PGM5: variants seen among roughly 807,000 people sequenced by gnomAD.
PGM5 encodes phosphoglucomutase 5, also known as phosphoglucomutase-like protein 5.
PGM5 carries 23 observed loss-of-function variants against 59.2 expected under a neutral mutation model. That is an observed-to-expected ratio of 0.39 (90% CI 0.28 to 0.55). PGM5 has a LOEUF of 0.55. Among genes scored for constraint, PGM5 ranks in the 20% least tolerant of loss-of-function variants. The pLI is 0.66. For missense variants in PGM5, 574 were observed against 748.3 expected, an observed-to-expected ratio of 0.77 and a Z score of 2.72; for synonymous variants, 214 against 286.0, an observed-to-expected ratio of 0.75 and a Z score of 2.54.
intron 10 of PGM5, among the ~76,000 whole-genome samples, chr9:68,528,175 A>C (rs1477245627): frequency 6.6e-6 from 1 of 152,194 alleles, no homozygotes; most frequent in Admixed American, 6.5e-5. Flanking sequence ...CATTATCCTA[A>C]TATTACCCAA....
chr9:68,510,977 G>T (rs782705977), intron 10 of PGM5, among the ~76,000 whole-genome samples: 1 of 152,232 alleles, frequency 6.6e-6, no homozygotes, highest in Non-Finnish European at 1.5e-5. Flanking sequence ...GATAAAGAAA[G>T]TTGTGGAAGC....
chr9:68,446,098 C>G (rs565463739), intron 6 of PGM5, among the ~76,000 whole-genome samples: 2 of 152,276 alleles, frequency 1.3e-5, no homozygotes, highest in South Asian at 4.1e-4. Context: ...AGAGATTGGT[C>G]ATTTGGCCCA....
At chr9:68,416,321 G>T (rs1190683878) in intron 6 of PGM5, among the ~76,000 whole-genome samples, 1 of 152,216 alleles carries the variant, frequency 6.6e-6, no homozygotes, top group East Asian at 1.9e-4. Context: ...AAATACGTCA[G>T]CTCCTTTAAC....
chr9:68,490,596 C>A (rs1824375519), intron 9 of PGM5, among the ~76,000 whole-genome samples: 1 of 152,236 alleles, frequency 6.6e-6, no homozygotes, highest in African/African-American at 2.4e-5. Context: ...CTCAGGTGAT[C>A]TGCTTGCCTC....
chr9:68,437,353 G>A lies in PGM5; in HGVS notation c.1044-27740G>A, dbSNP rs1823455985. ...GAGAAAAGGAAGCTTGGCAACTTTC[G>A]TGAAATGGTGTGCCTTAAAGAGGAA... On this transcript the variant is annotated intron_variant, in intron 6 of 10. Coordinates refer to ENST00000396396, the MANE Select transcript of PGM5 (RefSeq NM_021965.4). The surrounding 1 kb of genome is among the most constrained non-coding windows in gnomAD (Gnocchi z 4.1). 6.6e-6 allele frequency among the ~76,000 whole-genome samples: 1 copy of A among 152,184 alleles called. No homozygotes were observed. Among genetic ancestry groups the A allele is most frequent in the Non-Finnish European group, 1.5e-5 (1 of 68,032 alleles).
chr9:68,391,128 G>C (rs1554679400), intron 4 of PGM5, among the ~76,000 whole-genome samples: 1 of 151,902 alleles, frequency 6.6e-6, no homozygotes, highest in Non-Finnish European at 1.5e-5. Context: ...TATATACTTG[G>C]CAGAGTCCAA....
At chr9:68,501,415 A>G (rs559985060) in intron 10 of PGM5, among the ~76,000 whole-genome samples, 9 of 152,340 alleles carry the variant, frequency 5.9e-5, no homozygotes, top group Non-Finnish European at 8.8e-5. Flanking sequence ...CAGCAGGCCA[A>G]CCTGTCTTAA....
chr9:68,453,435 C>T (rs1342492894), intron 6 of PGM5, among the ~76,000 whole-genome samples: 1 of 152,098 alleles, frequency 6.6e-6, no homozygotes, highest in East Asian at 1.9e-4. Context: ...AACTCCTGGG[C>T]TCAAGCAATC....
chr9:68,420,723 C>G (rs573769101), intron 6 of PGM5, among the ~76,000 whole-genome samples: 1 of 152,064 alleles, frequency 6.6e-6, no homozygotes, highest in African/African-American at 2.4e-5. Flanking sequence ...AGATGTTCGT[C>G]GGGAGACACA....
intron 9 of PGM5, among the ~76,000 whole-genome samples, chr9:68,486,251 T>C (rs1281975757): frequency 1.3e-5 from 2 of 152,194 alleles, no homozygotes; most frequent in East Asian, 1.9e-4. Context: ...AGTTTTAAAA[T>C]ATAAATATAT....
chr9:68,520,341 AAAAG>A (rs1824884167), intron 10 of PGM5, among the ~76,000 whole-genome samples: 1 of 152,100 alleles, frequency 6.6e-6, no homozygotes, highest in South Asian at 2.1e-4. Flanking sequence ...AAAGAAAAAA[AAAAG>A]AGGGAGAGAG....
chr9:68,374,698 T>A (rs1821833892), intron 1 of PGM5, among the ~76,000 whole-genome samples: 1 of 151,992 alleles, frequency 6.6e-6, no homozygotes, highest in Admixed American at 6.6e-5. Flanking sequence ...TCAAGGTATT[T>A]TTTCCAGAGC....
intron 6 of PGM5, among the ~76,000 whole-genome samples, chr9:68,422,379 T>TACCTCTTGGTAACA (rs200480475): frequency 0.023 from 3,558 of 152,232 alleles, 121 homozygotes; most frequent in African/African-American, 0.079. Flanking sequence ...CCCCATCCCC[T>TACCTCTTGGTAACA]ACCTCTTGGT....
chr9:68,445,505 T>C (rs1554683952), intron 6 of PGM5, among the ~76,000 whole-genome samples: 1 of 152,208 alleles, frequency 6.6e-6, no homozygotes, highest in Admixed American at 6.5e-5. Flanking sequence ...ATGCTTGGAA[T>C]ACAGCAGACA....
chr9:68,375,765 T>C (rs1330868234), intron 1 of PGM5, among the ~76,000 whole-genome samples: 3 of 152,116 alleles, frequency 2.0e-5, no homozygotes, highest in Admixed American at 2.0e-4. Context: ...TAGGAAACAA[T>C]AGAAAAGTTA....
chr9:68,489,838 G>A (rs112137228), intron 9 of PGM5, among the ~76,000 whole-genome samples: 3,551 of 152,258 alleles, frequency 0.023, 142 homozygotes, highest in African/African-American at 0.081. Flanking sequence ...GTAAATAAAT[G>A]CATACCAGTT....
At chr9:68,449,835 T>A (rs1361512698) in intron 6 of PGM5, among the ~76,000 whole-genome samples, 2 of 152,222 alleles carry the variant, frequency 1.3e-5, no homozygotes, top group African/African-American at 4.8e-5. Context: ...CTTACAAGTG[T>A]CGCAGAATTA....
chr9:68,383,545 A>G (rs185641131), intron 2 of PGM5, among the ~76,000 whole-genome samples: 6 of 152,084 alleles, frequency 3.9e-5, no homozygotes, highest in Middle Eastern at 3.4e-3. Flanking sequence ...AAGGATTGAG[A>G]TATTTTAAAA....
intron 3 of PGM5, among the ~76,000 whole-genome samples, chr9:68,386,616 G>A (rs1315371602): frequency 6.6e-6 from 1 of 152,014 alleles, no homozygotes; most frequent in Non-Finnish European, 1.5e-5. Flanking sequence ...TGAAAAATCT[G>A]AAAACAATAT....
Sources: allele counts gnomAD v4.1 joint callset (sites outside exome capture counted in the v4.1 genomes callset), GRCh38; gene constraint gnomAD v4.1.1; non-coding constraint Gnocchi (gnomAD v3.1); transcripts MANE v1.5; gene names NCBI Gene and HGNC (gene_info 2026-07-23, HGNC 2026-07-21).